Variants in NUP98 observed in about 807,000 individuals in gnomAD.
NUP98 encodes the protein nucleoporin 98 and 96 precursor.
Under a neutral mutation model 191.9 loss-of-function variants are expected in NUP98, and 26 were observed. The observed-to-expected ratio is 0.14, with a 90% CI of 0.10 to 0.19. The LOEUF is 0.19. Among genes scored for constraint, NUP98 ranks in the 10% least tolerant of loss-of-function variants. The pLI, the probability that NUP98 is intolerant of heterozygous loss-of-function variation, is 1.00. For missense variants in NUP98, 1,941 were observed against 2,178.8 expected (o/e 0.89, Z 2.17); for synonymous variants, 808 against 778.4 (o/e 1.04, Z -0.63).
At chr11:3,722,763 A>G (rs894478710) in intron 16 of NUP98, among the ~76,000 whole-genome samples, 6 of 152,170 alleles carry the variant, frequency 3.9e-5, no homozygotes, top group Admixed American at 2.6e-4. Context: ...CAGTGAGCCA[A>G]GACTGCGACA....
chr11:3,753,303 A>T lies in NUP98; in HGVS notation c.1267+13T>A. 1 of 1,600,934 alleles carries T rather than the reference A, an allele frequency of 6.2e-7. No individual in the cohort carries two copies. The highest frequency in any genetic ancestry group is 8.6e-7 in the Non-Finnish European group (1 of 1,168,142). On this transcript the variant is annotated intron_variant, in intron 11 of 32. Transcript: ENST00000324932. ...TGTGTCACTTCCTAGATCTCATGGT[A>T]GCAGTTTCTTACCTGTTCCAAATCC...
intron 16 of NUP98, among the ~76,000 whole-genome samples, chr11:3,722,284 T>G (rs1466931974): frequency 6.6e-6 from 1 of 151,612 alleles, no homozygotes; most frequent in Non-Finnish European, 1.5e-5. Context: ...GGCTAATTAC[T>G]TTTAAGTTTA....
intron 11 of NUP98, 131 bp from the exon 12 acceptor site, chr11:3,744,780 T>G: frequency 1.0e-6 from 1 of 978,306 alleles, no homozygotes; most frequent in African/African-American, 1.6e-5. Flanking sequence ...AAGGGGTGAA[T>G]ACGGTAAGTG....
chr11:3,768,464 C>A, intron 8 of NUP98, 117 bp downstream of exon 8: 1 of 826,694 alleles, frequency 1.2e-6, no homozygotes, highest in Non-Finnish European at 1.7e-6. Flanking sequence ...TCATTAAATA[C>A]CCTCAACTCT....
chr11:3,749,076 A>C (rs1306307206), intron 11 of NUP98, among the ~76,000 whole-genome samples: 1 of 151,880 alleles, frequency 6.6e-6, no homozygotes, highest in Non-Finnish European at 1.5e-5. Flanking sequence ...TGGGAGGCCG[A>C]GGCGGGTGGA....
chr11:3,705,346 G>A lies in NUP98; in HGVS notation c.2936C>T (p.Ala979Val). 2.5e-6 allele frequency: 4 copies of A among 1,614,014 alleles called. No homozygotes were observed. The highest frequency in any genetic ancestry group is 2.2e-5 in the East Asian group (1 of 44,880). ...INPHVLQIMK[A>V]SLLTDEEDVD... ...ATCTTCTTCATCAGTAAGCAATGATGCTTTCATGATCTAAAAAGGCAATAT... is the reference window on the plus strand; with the variant it reads ...ATCTTCTTCATCAGTAAGCAATGATACTTTCATGATCTAAAAAGGCAATAT... The change falls in exon 22 of 33, where the codon GCA becomes GTA. Residue 979 changes from alanine (A) to valine (V), a missense_variant. Around this residue, in one of 6 missense-constraint regions of NUP98, gnomAD observed 1,030 missense variants for 1,115.8 expected, o/e 0.92. Transcript: ENST00000324932.
At position 3,754,941 on chromosome 11, in the gene NUP98, C is replaced by CAAA. The variant is rs34606573; in HGVS notation, c.1175-1536_1175-1534dup. Among the ~76,000 whole-genome samples, 311 of 66,046 alleles carry CAAA rather than the reference C, an allele frequency of 4.7e-3. 10 individuals carry two copies. Among genetic ancestry groups the CAAA allele is most frequent in the African/African-American group, 0.016 (259 of 16,526 alleles). 43.3% of individuals were successfully genotyped at this position (66,046 alleles called of 152,430 possible). On this transcript the variant is annotated intron_variant, in intron 10 of 32. Coordinates refer to ENST00000324932, the MANE Select transcript of NUP98 (RefSeq NM_016320.5). Reference sequence around the variant, plus strand: ...TAGACGACATAGCGAGACACTATCTCAAAAAAAAAAAAAAAAAAAAAAATC... The same window carrying CAAA: ...TAGACGACATAGCGAGACACTATCTCAAAAAAAAAAAAAAAAAAAAAAAAAATC...
In NUP98 at chr11:3,706,579, T is replaced by C; in HGVS notation, c.2791A>G (p.Ser931Gly). The part of the protein sequence containing the change: ...EQLGRVVELD[S>G]DMVDITQEPV... ...TCCTGGGTGATATCTACCATGTCAC[T>C]GTCCAGTTCCACAACCCTCCCTAAC... Residue 931 changes from serine (S) to glycine (G), a missense_variant, in exon 21 of 33, where the codon AGT (serine) becomes GGT (glycine). By Grantham distance (56) the Ser-to-Gly change is moderately conservative. This residue lies in a region of NUP98 where 1,030 missense variants were observed against 1,115.8 expected (regional missense o/e 0.92). Transcript: ENST00000324932. 1 of 1,614,130 alleles carries C rather than the reference T, an allele frequency of 6.2e-7. No homozygotes were observed. Among genetic ancestry groups the C allele is most frequent in the Non-Finnish European group, 8.5e-7 (1 of 1,180,014 alleles).
intron 28 of NUP98, among the ~76,000 whole-genome samples, chr11:3,689,697 G>T (rs1026595231): frequency 2.0e-5 from 3 of 152,076 alleles, no homozygotes; most frequent in African/African-American, 7.2e-5. Context: ...CTGGAGTACA[G>T]TGATGCAATC....
At chr11:3,711,501 C>A (rs1459314209) in intron 20 of NUP98, 4 of 152,730 alleles carry the variant, frequency 2.6e-5, no homozygotes, top group Non-Finnish European at 5.8e-5. Flanking sequence ...AAGAGGTTAT[C>A]TTTAAGATCC....
chr11:3,737,400 C>T (rs1402546782), intron 12 of NUP98, among the ~76,000 whole-genome samples: 1 of 150,644 alleles, frequency 6.6e-6, no homozygotes, highest in Non-Finnish European at 1.5e-5. Context: ...CCGAGGCAGG[C>T]GGATCACAAG....
chr11:3,765,679 T>A (rs1444925837), intron 8 of NUP98, among the ~76,000 whole-genome samples: 1 of 151,544 alleles, frequency 6.6e-6, no homozygotes, highest in African/African-American at 2.4e-5. Flanking sequence ...CGCACACCTG[T>A]AATCCCAGTT....
intron 14 of NUP98, among the ~76,000 whole-genome samples, chr11:3,727,366 A>G (rs1240980436): frequency 6.6e-6 from 1 of 152,178 alleles, no homozygotes; most frequent in Non-Finnish European, 1.5e-5. Context: ...TAATGAACAC[A>G]GAGGGCAGAA....
chr11:3,769,291 T>C (rs1192460305), intron 7 of NUP98, among the ~76,000 whole-genome samples: 1 of 152,074 alleles, frequency 6.6e-6, no homozygotes, highest in African/African-American at 2.4e-5. Context: ...GTCAGGCTAA[T>C]GGCACTTGCC....
chr11:3,787,110 C>G (rs144365525), intron 1 of NUP98, among the ~76,000 whole-genome samples: 1,932 of 152,104 alleles, frequency 0.013, 29 homozygotes, highest in African/African-American at 0.042. Context: ...AAATTTTTGC[C>G]CTAGATAAGA....
In NUP98 at chr11:3,780,557, AAAAAAG is replaced by A. The variant is rs976302761; in HGVS notation, c.77-1306_77-1301del. On this transcript the variant is annotated intron_variant, in intron 2 of 32. Coordinates refer to ENST00000324932, the MANE Select transcript of NUP98 (RefSeq NM_016320.5). ...ACTCCATCTCAAAAAAAAAAAAAAA[AAAAAAG>A]AAAAAGAAAAAGAAAAAGAAAAACT... 3.1e-3 allele frequency among the ~76,000 whole-genome samples: 441 copies of A among 140,384 alleles called. 3 individuals carry two copies. Among genetic ancestry groups the A allele is most frequent in the Middle Eastern group, 7.2e-3 (2 of 276 alleles). The allele number at this position is 140,384 out of a possible 152,430, so 92.1% of individuals were successfully genotyped here.
In NUP98 at chr11:3,762,888, C is replaced by T. The variant is rs1040734980; in HGVS notation, c.1086+14G>A. 5 of 1,610,532 alleles carry T rather than the reference C, an allele frequency of 3.1e-6. No homozygotes were observed. The African/African-American group carries it at 6.7e-5, about 22-fold the overall frequency. On this transcript the variant is annotated intron_variant, in intron 9 of 32. Coordinates refer to ENST00000324932, the MANE Select transcript of NUP98 (RefSeq NM_016320.5). ...ACACACATCTTCAAATTACAGTCAA[C>T]TGCAGAAACCTACCGAACCAACAGC...
chr11:3,771,726 T>C (rs780730885), intron 7 of NUP98, 22 bp downstream of exon 7: 6 of 1,607,942 alleles, frequency 3.7e-6, no homozygotes, highest in Non-Finnish European at 5.1e-6. Flanking sequence ...CAGTATAATC[T>C]AACATGATAT....
intron 22 of NUP98, among the ~76,000 whole-genome samples, 197 bp from the exon 23 acceptor site, chr11:3,703,089 A>G (rs1198979751): frequency 6.6e-6 from 1 of 152,218 alleles, no homozygotes; most frequent in Non-Finnish European, 1.5e-5. Flanking sequence ...TCAGGACAAG[A>G]TTCTAATGAT....
Sources: allele counts gnomAD v4.1 joint callset (sites outside exome capture counted in the v4.1 genomes callset), GRCh38; gene constraint gnomAD v4.1.1; regional missense constraint gnomAD v4.1.1; transcripts MANE v1.5; gene names NCBI Gene and HGNC (gene_info 2026-07-23, HGNC 2026-07-21).